FASTKD2: variants seen among roughly 807,000 people sequenced by gnomAD.
FASTKD2 encodes the protein FAST kinase domain-containing protein 2, mitochondrial.
Under a neutral mutation model 63.6 loss-of-function variants are expected in FASTKD2, and 51 were observed. The ratio of observed to expected loss-of-function variants is 0.80; its 90% CI spans 0.64 to 1.01. FASTKD2 has a LOEUF of 1.01. FASTKD2 is among the 50% of genes least tolerant of loss of function. The pLI, the probability that FASTKD2 is intolerant of heterozygous loss-of-function variation, is 0.00. For synonymous variants in FASTKD2, 284 were observed against 293.4 expected (o/e 0.97, Z 0.33); for missense variants, 786 against 831.1 (o/e 0.95, Z 0.67).
At position 206,771,894 on chromosome 2, in the gene FASTKD2, A is replaced by G. The variant is rs1157804384; in HGVS notation, c.991A>G (p.Met331Val). Residue 331 changes from methionine (M) to valine (V), a missense_variant and splice_region_variant, in exon 5 of 12, where the codon ATG becomes GTG. Transcript: ENST00000402774. ...APIALKRKLE[M>V]KALRELDRFS... ...AAATTAAAATTTGTTTTTTCTTTAG[A>G]TGAAAGCCTTGAGGGAATTAGACAG... 4 of 1,598,508 alleles carry G rather than the reference A, an allele frequency of 2.5e-6. No homozygotes were observed. The highest frequency in any genetic ancestry group is 2.2e-5 in the South Asian group (2 of 90,686).
intron 2 of FASTKD2, among the ~76,000 whole-genome samples, chr2:206,767,906 C>G (rs1181856320): frequency 1.3e-5 from 2 of 152,328 alleles, no homozygotes; most frequent in Non-Finnish European, 1.5e-5. Context: ...GGATTGCATG[C>G]CCTACTGTTC....
At position 206,794,434 on chromosome 2, in the gene FASTKD2, C is replaced by T. The variant is rs1401145506; in HGVS notation, c.*2632C>T. On this transcript the variant is annotated 3_prime_UTR_variant, in exon 12 of 12. Transcript: ENST00000402774. Reference sequence around the variant, plus strand: ...AATTTTTAGATTTTTAAAGATGGGGCCCTGCTATGTTACCCAGGCTAGCTT... The same window carrying T: ...AATTTTTAGATTTTTAAAGATGGGGTCCTGCTATGTTACCCAGGCTAGCTT... 1.3e-5 allele frequency among the ~76,000 whole-genome samples: 2 copies of T among 151,882 alleles called. No individual in the cohort carries two copies. Among genetic ancestry groups the T allele is most frequent in the African/African-American group, 4.8e-5 (2 of 41,332 alleles).
At chr2:206,783,912 G>A (rs1690064358) in intron 7 of FASTKD2, among the ~76,000 whole-genome samples, 1 of 152,158 alleles carries the variant, frequency 6.6e-6, no homozygotes, top group African/African-American at 2.4e-5. Context: ...CTGTGCTACT[G>A]GCCTCTAGTG....
intron 7 of FASTKD2, 187 bp from the exon 8 acceptor site, chr2:206,786,546 C>T (rs896380724): frequency 4.5e-5 from 27 of 599,674 alleles, no homozygotes; most frequent in South Asian, 3.4e-4. Context: ...ATGTTTGTCT[C>T]GTGCAAGACA....
rs1190937881 is a variant in FASTKD2, at chr2:206,766,704, C to G, written c.11C>G (p.Thr4Ser). 3 of 1,614,042 alleles carry G rather than the reference C, an allele frequency of 1.9e-6. No homozygotes were observed. The Admixed American group carries it at 5.0e-5, about 27-fold the overall frequency. The change falls in exon 2 of 12, where the codon ACT becomes AGT. Residue 4 changes from threonine to serine, a missense_variant. Coordinates refer to ENST00000402774, the MANE Select transcript of FASTKD2 (RefSeq NM_001136193.2). The stretch of plus-strand genomic sequence containing the variant: ...AGTGACGTTGGTTTCATGTTGACAA[C>G]TTTGAAGCCATTTGGAAGTGTTTCA... MLT[T>S]LKPFGSVSVE...
rs1310474945 is a variant in FASTKD2 at position 206,794,636 on chromosome 2, T to G, written c.*2834T>G. Among the ~76,000 whole-genome samples the G allele has an allele frequency of 6.6e-6, 1 of 152,220 alleles. No individual in the cohort carries two copies. The highest frequency in any genetic ancestry group is 2.4e-5 in the African/African-American group (1 of 41,456). On this transcript the variant is annotated 3_prime_UTR_variant, in exon 12 of 12. Transcript: ENST00000402774. ...CTTTACACAAAGCTGATTAAACAGTTTAGAACTTTTAAAAAACATTCAAAA... is the reference window on the plus strand; with the variant it reads ...CTTTACACAAAGCTGATTAAACAGTGTAGAACTTTTAAAAAACATTCAAAA...
Position 206,791,799 on chromosome 2 carries a change from A to G in FASTKD2, c.2130A>G (p.Gln710=), listed in dbSNP as rs761827335. 1.2e-6 allele frequency: 2 copies of G among 1,612,498 alleles called. No homozygotes were observed. The highest frequency in any genetic ancestry group is 2.2e-5 in the East Asian group (1 of 44,784). Reference sequence around the variant, plus strand: ...CTGCTGTAAATGTGCAAAGCACACAATAAAGTGAAAATCAACCTTTTCATA... The same window carrying G: ...CTGCTGTAAATGTGCAAAGCACACAGTAAAGTGAAAATCAACCTTTTCATA... ...PVAAVNVQST[Q] is the part of the protein sequence containing the mutation. Residue 710 remains glutamine, a synonymous_variant, in exon 12 of 12, where the codon CAA becomes CAG. Coordinates refer to ENST00000402774, the MANE Select transcript of FASTKD2 (RefSeq NM_001136193.2).
Position 206,766,624 on chromosome 2 carries a change from C to A in FASTKD2, c.-50-20C>A. On this transcript the variant is annotated intron_variant, in intron 1 of 11. Transcript: ENST00000402774. ...GTTTTGTTTTAATTTTTATTCTTTTCATTACTTCTTCCCCTACAGGAAAAC... is the reference window on the plus strand; with the variant it reads ...GTTTTGTTTTAATTTTTATTCTTTTAATTACTTCTTCCCCTACAGGAAAAC... The A allele has an allele frequency of 7.8e-7, 1 of 1,285,018 alleles. No individual in the cohort carries two copies. Among genetic ancestry groups the A allele is most frequent in the Non-Finnish European group, 1.1e-6 (1 of 885,516 alleles). The allele number at this position is 1,285,018 out of a possible 1,614,324, so 79.6% of individuals were successfully genotyped here. A position where few individuals can be genotyped will look rare whatever the true frequency, so the allele number is the denominator to read the frequency against.
intron 4 of FASTKD2, among the ~76,000 whole-genome samples, 188 bp downstream of exon 4, chr2:206,771,478 T>C (rs1689680300): frequency 1.3e-5 from 2 of 151,954 alleles, no homozygotes; most frequent in African/African-American, 4.8e-5. Context: ...TATTTATTTA[T>C]CTGTCTGGGT....
rs902926776 is a variant in FASTKD2, at chr2:206,790,978, A to G, written c.2013+292A>G. ...AATAATATATTTTCATATTTAAGATACACAAAACCATATTTAATTTCCAGG... is the reference window on the plus strand; with the variant it reads ...AATAATATATTTTCATATTTAAGATGCACAAAACCATATTTAATTTCCAGG... On this transcript the variant is annotated intron_variant, in intron 11 of 11. Transcript: ENST00000402774. The G allele has an allele frequency of 2.9e-5, 10 of 339,582 alleles. No homozygotes were observed. In the East Asian group the frequency reaches 6.9e-4, roughly 23 times the overall value. The allele number at this position is 339,582 out of a possible 1,614,324, so 21.0% of individuals were successfully genotyped here.
chr2:206,772,371 A>G (rs376842865), intron 6 of FASTKD2, 51 bp downstream of exon 6: 39 of 1,507,180 alleles, frequency 2.6e-5, no homozygotes, highest in Admixed American at 2.5e-4. Context: ...TAAAACACTA[A>G]TTCATGTAGC....
rs1254118064 is a variant in FASTKD2 at position 206,793,208 on chromosome 2, G to T, written c.*1406G>T. Among the ~76,000 whole-genome samples the T allele has an allele frequency of 9.1e-6, 1 of 110,294 alleles. No individual in the cohort carries two copies. The highest frequency in any genetic ancestry group is 1.7e-5 in the Non-Finnish European group (1 of 60,322). 72.4% of individuals were successfully genotyped at this position (110,294 alleles called of 152,430 possible). A position where few individuals can be genotyped will look rare whatever the true frequency, so the allele number is the denominator to read the frequency against. The stretch of plus-strand genomic sequence containing the variant: ...CTGCACTCCAGCCTGACCACAGAGC[G>T]AGACTCTGTCTCAAAAAAAAAAAAA... On this transcript the variant is annotated 3_prime_UTR_variant, in exon 12 of 12. Transcript: ENST00000402774.
intron 2 of FASTKD2, among the ~76,000 whole-genome samples, 168 bp downstream of exon 2, chr2:206,767,638 A>G (rs1312602792): frequency 1.6e-5 from 2 of 127,696 alleles, no homozygotes; most frequent in Non-Finnish European, 3.1e-5. Context: ...GCCTTAAGTT[A>G]GCTATTTTCT....
intron 1 of FASTKD2, among the ~76,000 whole-genome samples, chr2:206,765,992 C>T (rs1050904037): frequency 5.3e-5 from 8 of 152,006 alleles, no homozygotes; most frequent in South Asian, 2.1e-4. Flanking sequence ...AATGATCTAT[C>T]AGCCGGGCGC....
In FASTKD2 at chr2:206,795,157, C is replaced by T. The variant is rs186521301; in HGVS notation, c.*3355C>T. On this transcript the variant is annotated 3_prime_UTR_variant, in exon 12 of 12. Transcript: ENST00000402774. ...GACCATCAGACTCCACCCTGTTTTGCGCTGACTTGTAGGGAGACCTAGGTG... is the reference window on the plus strand; with the variant it reads ...GACCATCAGACTCCACCCTGTTTTGTGCTGACTTGTAGGGAGACCTAGGTG... 3.7e-3 allele frequency among the ~76,000 whole-genome samples: 565 copies of T among 152,314 alleles called. 5 individuals are homozygous for T. Among genetic ancestry groups the T allele is most frequent in the Non-Finnish European group, 9.6e-4 (65 of 68,018 alleles).
rs751919886 is a variant in FASTKD2, at chr2:206,786,916, G to A, written c.1594+17G>A. 4.5e-6 allele frequency: 6 copies of A among 1,331,800 alleles called. No individual in the cohort carries two copies. The highest frequency in any genetic ancestry group is 6.2e-6 in the Non-Finnish European group (6 of 970,016). The allele number at this position is 1,331,800 out of a possible 1,614,324, so 82.5% of individuals were successfully genotyped here. On this transcript the variant is annotated intron_variant, in intron 8 of 11. Transcript: ENST00000402774. Reference sequence around the variant, plus strand: ...TGACATCAGGTAGGATGTTAGTGCAGAATTGGTCACCAATTGTGACCAATT... The same window carrying A: ...TGACATCAGGTAGGATGTTAGTGCAAAATTGGTCACCAATTGTGACCAATT...
At position 206,771,921 on chromosome 2, in the gene FASTKD2, T is replaced by C; in HGVS notation, c.1018T>C (p.Phe340Leu). ...GAAAGCCTTGAGGGAATTAGACAGA[T>C]TTTCTGTTTTGAATAGCCAACACAT... ...EMKALRELDR[F>L]SVLNSQHMFE... Residue 340 changes from phenylalanine (F) to leucine (L), a missense_variant, in exon 5 of 12, where the codon TTT becomes CTT. Coordinates refer to ENST00000402774, the MANE Select transcript of FASTKD2 (RefSeq NM_001136193.2). The C allele has an allele frequency of 6.2e-7, 1 of 1,608,426 alleles. No individual in the cohort carries two copies. The highest frequency in any genetic ancestry group is 8.5e-7 in the Non-Finnish European group (1 of 1,174,862).
chr2:206,772,395 C>A, intron 6 of FASTKD2, 75 bp downstream of exon 6: 1 of 1,408,006 alleles, frequency 7.1e-7, no homozygotes, highest in Non-Finnish European at 1.0e-6. Context: ...TTAAGTATTT[C>A]TCTTTCACCT....
chr2:206,769,382 C>A (rs559225671), intron 2 of FASTKD2, among the ~76,000 whole-genome samples: 1 of 152,204 alleles, frequency 6.6e-6, no homozygotes, highest in Non-Finnish European at 1.5e-5. Context: ...TAAGTTTCCT[C>A]AGATGTGATT....
Sources: allele counts gnomAD v4.1 joint callset (sites outside exome capture counted in the v4.1 genomes callset), GRCh38; gene constraint gnomAD v4.1.1; transcripts MANE v1.5; gene names NCBI Gene and HGNC (gene_info 2026-07-23, HGNC 2026-07-21).